The following NOL4 variants were observed in gnomAD, a reference collection of about 807,000 sequenced individuals.
The protein encoded by NOL4 is nucleolar protein 4.
In NOL4, 17 loss-of-function variants were observed where a neutral mutation model predicts 75.9. That is an observed-to-expected ratio of 0.22 (90% confidence interval 0.15 to 0.34). The LOEUF (loss-of-function observed/expected upper bound fraction) is 0.34, where lower values mean the gene tolerates loss of function less well. NOL4 is among the 10% of genes least tolerant of loss of function. The probability of loss-of-function intolerance (pLI) is 1.00; values close to 1 mark genes in which losing one functional copy is unlikely to be tolerated. For synonymous variants in NOL4, 292 were observed against 289.9 expected, an observed-to-expected ratio of 1.01 and a Z score of -0.07; for missense variants, 614 against 793.5, an observed-to-expected ratio of 0.77 and a Z score of 2.72.
chr18:34,176,185 A>G (rs1371482778), intron 1 of NOL4, among the ~76,000 whole-genome samples: 1 of 152,118 alleles, frequency 6.6e-6, no homozygotes, highest in Admixed American at 6.6e-5. Flanking sequence ...AAGGAGAATC[A>G]ATGAAATTAA....
chr18:33,951,667 G>A (rs1450273425), intron 8 of NOL4, among the ~76,000 whole-genome samples: 1 of 151,658 alleles, frequency 6.6e-6, no homozygotes, highest in Non-Finnish European at 1.5e-5. Flanking sequence ...CTTCCTGTGG[G>A]TAACTTACAT....
chr18:33,952,442 G>A (rs533423298), intron 8 of NOL4, among the ~76,000 whole-genome samples: 248 of 152,204 alleles, frequency 1.6e-3, no homozygotes, highest in African/African-American at 5.6e-3. Context: ...ACCAGAAGAA[G>A]GGATAGAAAG....
intron 9 of NOL4, among the ~76,000 whole-genome samples, chr18:33,932,571 G>GA (rs1179679128): frequency 1.3e-5 from 2 of 151,804 alleles, no homozygotes; most frequent in Non-Finnish European, 2.9e-5. Context: ...AATTATGATA[G>GA]AAAAAAAGTA....
chr18:34,078,238 G>A (rs763317395), intron 5 of NOL4, among the ~76,000 whole-genome samples: 10 of 152,126 alleles, frequency 6.6e-5, no homozygotes, highest in Non-Finnish European at 8.8e-5. Context: ...GATGGTGGTC[G>A]TAACCCTATC....
chr18:33,929,554 T>G (rs1026804987), intron 9 of NOL4, among the ~76,000 whole-genome samples: 1 of 152,190 alleles, frequency 6.6e-6, no homozygotes, highest in African/African-American at 2.4e-5. Context: ...CATATTCATC[T>G]GCAGTATACA....
At chr18:34,134,639 T>TA (rs960385173) in intron 1 of NOL4, among the ~76,000 whole-genome samples, 17 of 150,908 alleles carry the variant, frequency 1.1e-4, no homozygotes, top group African/African-American at 2.7e-4. Context: ...ACTTAAAATT[T>TA]AAAAAAAAAC....
At chr18:33,861,968 C>A (rs1485893166) in intron 10 of NOL4, among the ~76,000 whole-genome samples, 1 of 152,132 alleles carries the variant, frequency 6.6e-6, no homozygotes, top group African/African-American at 2.4e-5. Context: ...CCAAGTCAAA[C>A]CTAAACCAAA....
At chr18:33,975,960 C>G (rs2071460086) in intron 6 of NOL4, among the ~76,000 whole-genome samples, 1 of 152,074 alleles carries the variant, frequency 6.6e-6, no homozygotes, top group South Asian at 2.1e-4. Flanking sequence ...GAACACAAAA[C>G]TTTTTATTCT....
intron 3 of NOL4, among the ~76,000 whole-genome samples, chr18:34,104,692 CATT>C (rs2145677068): frequency 6.6e-6 from 1 of 151,932 alleles, no homozygotes; most frequent in South Asian, 2.1e-4. Context: ...AGAAACTCCA[CATT>C]ATTCATAATT....
At chr18:33,893,787 G>C (rs974282514) in intron 9 of NOL4, among the ~76,000 whole-genome samples, 13 of 152,146 alleles carry the variant, frequency 8.5e-5, no homozygotes, top group Non-Finnish European at 1.6e-4. Flanking sequence ...TTTTGCATTA[G>C]GATTGAATTA....
intron 2 of NOL4, among the ~76,000 whole-genome samples, chr18:34,111,779 CA>C (rs2079600331): frequency 6.6e-6 from 1 of 151,986 alleles, no homozygotes. Context: ...ATGAAAACCA[CA>C]ATGAGATATC....
intron 1 of NOL4, among the ~76,000 whole-genome samples, chr18:34,167,196 T>G (rs1289755727): frequency 6.6e-6 from 1 of 151,908 alleles, no homozygotes; most frequent in Non-Finnish European, 1.5e-5. Flanking sequence ...ATAGGTTATA[T>G]GCAAATACTA....
At chr18:33,940,921 T>C (rs116660705) in intron 9 of NOL4, among the ~76,000 whole-genome samples, 26 of 152,004 alleles carry the variant, frequency 1.7e-4, no homozygotes, top group African/African-American at 6.0e-4. Flanking sequence ...CATTTTTAAT[T>C]ATTTTTAGAA....
chr18:33,864,956 G>A (rs543533652), intron 10 of NOL4, among the ~76,000 whole-genome samples: 1 of 152,194 alleles, frequency 6.6e-6, no homozygotes, highest in East Asian at 1.9e-4. Flanking sequence ...CATGAGAACA[G>A]CATGAGGGAA....
At chr18:34,094,160 TAATC>T (rs1167624817) in intron 4 of NOL4, among the ~76,000 whole-genome samples, 2 of 152,222 alleles carry the variant, frequency 1.3e-5, no homozygotes, top group Non-Finnish European at 2.9e-5. Context: ...CTAAAAGAGT[TAATC>T]ATAAAATGTA....
intron 5 of NOL4, among the ~76,000 whole-genome samples, chr18:34,053,614 A>C (rs2145010424): frequency 6.6e-6 from 1 of 151,970 alleles, no homozygotes; most frequent in African/African-American, 2.4e-5. Context: ...TCACTCTACT[A>C]TTTTTCATAC....
intron 5 of NOL4, among the ~76,000 whole-genome samples, chr18:34,079,328 T>C (rs1212438193): frequency 2.0e-5 from 3 of 152,052 alleles, no homozygotes; most frequent in Admixed American, 6.5e-5. Flanking sequence ...GGTGACAGAT[T>C]CAGGACTTCT....
At chr18:33,884,040 C>G (rs969325887) in intron 9 of NOL4, among the ~76,000 whole-genome samples, 1 of 151,978 alleles carries the variant, frequency 6.6e-6, no homozygotes, top group African/African-American at 2.4e-5. Context: ...ACTGCACAAC[C>G]ATGTGGATGT....
At chr18:34,161,844 T>C (rs962058482) in intron 1 of NOL4, among the ~76,000 whole-genome samples, 4 of 152,186 alleles carry the variant, frequency 2.6e-5, no homozygotes, top group African/African-American at 9.7e-5. Context: ...TCTGGTGTCT[T>C]TGCACTGAAA....
Sources: allele counts gnomAD v4.1 joint callset (sites outside exome capture counted in the v4.1 genomes callset), GRCh38; gene constraint gnomAD v4.1.1; transcripts MANE v1.5; gene names NCBI Gene and HGNC (gene_info 2026-07-23, HGNC 2026-07-21).